HDAC9: variants seen among roughly 807,000 people sequenced by gnomAD.
HDAC9 encodes histone deacetylase 9, also known as MEF-2 interacting transcription repressor (MITR) protein.
In HDAC9, 41 loss-of-function variants were observed where a neutral mutation model predicts 139.4. The observed-to-expected ratio is 0.29, with a 90% CI of 0.23 to 0.38. The LOEUF (loss-of-function observed/expected upper bound fraction) is 0.38. Among genes scored for constraint, HDAC9 ranks in the 10% least tolerant of loss-of-function variants. The pLI is 1.00. For missense variants in HDAC9, 1,147 were observed against 1,297.0 expected (o/e 0.88, Z 1.78); for synonymous variants, 517 against 476.2 (o/e 1.09, Z -1.12).
intron 1 of HDAC9, among the ~76,000 whole-genome samples, chr7:18,345,547 G>A (rs929586790): frequency 7.1e-6 from 1 of 141,284 alleles, no homozygotes; most frequent in Admixed American, 7.3e-5. Flanking sequence ...AAGACACTTT[G>A]TTCCCTTTAT....
chr7:18,487,680 A>G (rs996042852), intron 1 of HDAC9, among the ~76,000 whole-genome samples: 6 of 152,126 alleles, frequency 3.9e-5, no homozygotes, highest in East Asian at 1.9e-4. Context: ...CTTAAATTCA[A>G]TAGTTCACAC....
chr7:18,652,379 A>G (rs1489176916), intron 11 of HDAC9, among the ~76,000 whole-genome samples: 1 of 152,100 alleles, frequency 6.6e-6, no homozygotes, highest in Non-Finnish European at 1.5e-5. Context: ...TTTAAATATT[A>G]CCACAGGATT....
chr7:18,807,297 T>G (rs1302962420), intron 17 of HDAC9, among the ~76,000 whole-genome samples: 1 of 152,184 alleles, frequency 6.6e-6, no homozygotes, highest in Non-Finnish European at 1.5e-5. Context: ...TTGTTAAGTC[T>G]TGTTCAATTC....
At chr7:18,337,881 C>T (rs1280057488) in intron 1 of HDAC9, among the ~76,000 whole-genome samples, 2 of 151,624 alleles carry the variant, frequency 1.3e-5, no homozygotes, top group African/African-American at 2.4e-5. Flanking sequence ...ATGGATAAAT[C>T]GCTTAACTTC....
chr7:18,728,462 C>A (rs531652338), intron 13 of HDAC9, among the ~76,000 whole-genome samples: 1 of 151,658 alleles, frequency 6.6e-6, no homozygotes, highest in Non-Finnish European at 1.5e-5. Context: ...GTGCTATTCC[C>A]TCTGCAAAGG....
intron 2 of HDAC9, among the ~76,000 whole-genome samples, chr7:18,226,189 A>G (rs2128179620): frequency 6.6e-6 from 1 of 152,326 alleles, no homozygotes; most frequent in East Asian, 1.9e-4. Context: ...AAACTAACCC[A>G]AAATACCACC....
intron 2 of HDAC9, among the ~76,000 whole-genome samples, chr7:18,539,630 A>T (rs1812075462): frequency 6.6e-6 from 1 of 152,110 alleles, no homozygotes. Context: ...TATCTTGAAA[A>T]CTTTTCTGAA....
At chr7:18,823,891 A>G (rs1433488425) in intron 17 of HDAC9, among the ~76,000 whole-genome samples, 21 of 151,698 alleles carry the variant, frequency 1.4e-4, no homozygotes, top group Non-Finnish European at 4.4e-5. Context: ...AGGTGGGAGG[A>G]TGACTTTAGC....
chr7:18,826,499 A>G (rs1034597465), intron 17 of HDAC9, among the ~76,000 whole-genome samples: 1 of 152,178 alleles, frequency 6.6e-6, no homozygotes, highest in African/African-American at 2.4e-5. Flanking sequence ...TTTTGGCGAG[A>G]AGAAGATCAT....
At chr7:18,398,486 C>A (rs540717282) in intron 1 of HDAC9, among the ~76,000 whole-genome samples, 1 of 151,964 alleles carries the variant, frequency 6.6e-6, no homozygotes, top group East Asian at 1.9e-4. Flanking sequence ...GTTTTTGTTT[C>A]TTTTTGTCTT....
chr7:18,644,857 C>T, intron 9 of HDAC9, 64 bp downstream of exon 9: 2 of 1,519,956 alleles, frequency 1.3e-6, no homozygotes, highest in Non-Finnish European at 1.8e-6. Context: ...GGGGAACTCT[C>T]TTTCGTGTTT....
chr7:18,373,656 T>C (rs149410554), intron 1 of HDAC9, among the ~76,000 whole-genome samples: 2 of 152,300 alleles, frequency 1.3e-5, no homozygotes, highest in East Asian at 3.9e-4. Flanking sequence ...TTTGCAATGC[T>C]ACTTCCCTTG....
rs1158378577 is a variant in HDAC9 at position 18,132,532 on chromosome 7, C to T, written c.-96-29697C>T. Among the ~76,000 whole-genome samples, 5 of 152,120 alleles carry T rather than the reference C, an allele frequency of 3.3e-5. No homozygotes were observed. In the South Asian group the frequency reaches 1.0e-3, roughly 32 times the overall value. ...CAAATGATCTTCCTGCCTCAGCCTC[C>T]TGAGTAGCTGAAACCGCAGGCACAT... On this transcript the variant is annotated intron_variant, in intron 1 of 12. Transcript: ENST00000417496.
chr7:18,649,140 C>A (rs1339200232), intron 11 of HDAC9, among the ~76,000 whole-genome samples: 1 of 152,144 alleles, frequency 6.6e-6, no homozygotes, highest in Non-Finnish European at 1.5e-5. Context: ...GAATGCCCCA[C>A]TTCATTCCAA....
intron 25 of HDAC9, among the ~76,000 whole-genome samples, chr7:18,987,392 C>G (rs1394454824): frequency 6.6e-6 from 1 of 152,104 alleles, no homozygotes; most frequent in Non-Finnish European, 1.5e-5. Flanking sequence ...TATATTGAAC[C>G]AGCCTTGCAT....
chr7:18,375,790 C>T (rs1453116528), intron 1 of HDAC9, among the ~76,000 whole-genome samples: 1 of 152,214 alleles, frequency 6.6e-6, no homozygotes, highest in Non-Finnish European at 1.5e-5. Flanking sequence ...TGGCCCTAAC[C>T]AGCTGCAAGG....
intron 1 of HDAC9, among the ~76,000 whole-genome samples, chr7:18,295,250 A>G (rs1798067137): frequency 6.6e-6 from 1 of 152,132 alleles, no homozygotes; most frequent in African/African-American, 2.4e-5. Context: ...GGTCAGAGAA[A>G]AGGGAAAACA....
intron 1 of HDAC9, among the ~76,000 whole-genome samples, chr7:18,143,792 C>CAA (rs71014311): frequency 2.7e-4 from 33 of 122,546 alleles, no homozygotes; most frequent in Middle Eastern, 4.8e-3. Context: ...GACTCCATCT[C>CAA]AAAAAAAAAA....
intron 21 of HDAC9, among the ~76,000 whole-genome samples, chr7:18,850,053 A>G (rs1797168983): frequency 1.3e-5 from 2 of 149,766 alleles, no homozygotes; most frequent in South Asian, 4.2e-4. Context: ...ATCTGTAAGT[A>G]TTCAACCAAT....
Sources: allele counts gnomAD v4.1 joint callset (sites outside exome capture counted in the v4.1 genomes callset), GRCh38; gene constraint gnomAD v4.1.1; transcripts MANE v1.5; gene names NCBI Gene and HGNC (gene_info 2026-07-23, HGNC 2026-07-21).